Variants in DOCK3 observed in about 807,000 individuals in gnomAD.
DOCK3 encodes dedicator of cytokinesis 3, also known as dedicator of cytokinesis protein 3.
A neutral mutation model predicts 265.6 loss-of-function variants in DOCK3; 60 were observed. That is an observed-to-expected ratio of 0.23 (90% confidence interval 0.18 to 0.28). The LOEUF (loss-of-function observed/expected upper bound fraction) is 0.28. Ranked by LOEUF, DOCK3 falls within the 10% of genes least tolerant of loss-of-function variation. The pLI is 1.00. For synonymous variants in DOCK3, 881 were observed against 938.0 expected (o/e 0.94, Z 1.11); for missense variants, 1,981 against 2,594.3 (o/e 0.76, Z 5.14).
chr3:51,076,709 C>T lies in DOCK3; in HGVS notation c.549+1269C>T, dbSNP rs139022653. The stretch of plus-strand genomic sequence containing the variant: ...AGACCACAGTCAAACAGTTGCCATA[C>T]GTGTGCTGCATATATGTGCTGTGTA... On this transcript the variant is annotated intron_variant, in intron 7 of 52. Transcript: ENST00000266037. 3.5e-3 allele frequency among the ~76,000 whole-genome samples: 538 copies of T among 152,208 alleles called. 2 individuals carry two copies. Among genetic ancestry groups the T allele is most frequent in the Non-Finnish European group, 5.7e-3 (389 of 68,020 alleles).
At chr3:51,336,564 C>T (rs935643429) in intron 35 of DOCK3, among the ~76,000 whole-genome samples, 22 of 152,160 alleles carry the variant, frequency 1.4e-4, no homozygotes, top group Non-Finnish European at 3.2e-4. Context: ...CTGGAGTCTT[C>T]CCTGCTCACC....
At chr3:51,219,900 C>G (rs1157953789) in intron 14 of DOCK3, among the ~76,000 whole-genome samples, 3 of 152,172 alleles carry the variant, frequency 2.0e-5, no homozygotes. Flanking sequence ...ACATCCCTGA[C>G]TCAAGAAAGG....
chr3:50,986,719 G>A (rs908805009), intron 5 of DOCK3, among the ~76,000 whole-genome samples: 2 of 151,970 alleles, frequency 1.3e-5, no homozygotes, highest in African/African-American at 4.8e-5. Flanking sequence ...ATTCTATATT[G>A]TATAAATATT....
At chr3:50,793,625 TG>T (rs2108621299) in intron 2 of DOCK3, among the ~76,000 whole-genome samples, 1 of 152,342 alleles carries the variant, frequency 6.6e-6, no homozygotes, top group African/African-American at 2.4e-5. Context: ...CCCAAAGTGC[TG>T]GGATTACAGG....
chr3:50,786,643 T>G, intron 2 of DOCK3: 1 of 596,796 alleles, frequency 1.7e-6, no homozygotes, highest in Non-Finnish European at 3.2e-6. Flanking sequence ...TTTAAAGTTG[T>G]CCTTACTCTG....
At chr3:51,284,940 C>T (rs1187856968) in intron 27 of DOCK3, among the ~76,000 whole-genome samples, 1 of 152,198 alleles carries the variant, frequency 6.6e-6, no homozygotes, top group African/African-American at 2.4e-5. Context: ...AGATCCTCTT[C>T]CCCAGCTTAA....
intron 2 of DOCK3, among the ~76,000 whole-genome samples, chr3:50,818,084 C>A (rs1327623938): frequency 6.6e-6 from 1 of 152,328 alleles, no homozygotes; most frequent in South Asian, 2.1e-4. Context: ...TGAGCAAAAC[C>A]TAGGTTCCTG....
intron 9 of DOCK3, among the ~76,000 whole-genome samples, chr3:51,109,500 G>A (rs1342292056): frequency 2.0e-5 from 3 of 151,960 alleles, no homozygotes; most frequent in African/African-American, 7.3e-5. Flanking sequence ...GCTAGCAGAA[G>A]ATAACCAATA....
intron 1 of DOCK3, among the ~76,000 whole-genome samples, chr3:50,746,054 C>T (rs1226425698): frequency 6.6e-6 from 1 of 151,084 alleles, no homozygotes; most frequent in Non-Finnish European, 1.5e-5. Context: ...CTTATGTTTT[C>T]ATTCTTTTTA....
intron 5 of DOCK3, among the ~76,000 whole-genome samples, chr3:51,029,411 G>A (rs2079951947): frequency 6.6e-6 from 1 of 152,200 alleles, no homozygotes; most frequent in African/African-American, 2.4e-5. Flanking sequence ...GGCTTTCAGT[G>A]GGGGTGGGGC....
rs557728509 is a variant in DOCK3 at position 51,249,089 on chromosome 3, C to T, written c.2184+2282C>T. Among the ~76,000 whole-genome samples, 18 of 151,082 alleles carry T rather than the reference C, an allele frequency of 1.2e-4. No individual in the cohort carries two copies. The South Asian group carries it at 1.5e-3, about 12-fold the overall frequency. On this transcript the variant is annotated intron_variant, in intron 22 of 52. Coordinates refer to ENST00000266037, the MANE Select transcript of DOCK3 (RefSeq NM_004947.5). ...GTCTCCGCCCGGCAGCCACCCCGTC[C>T]GGGAGGGAGGTGGGGGGGGTCAGCC...
At chr3:51,355,196 CAA>C (rs2086280140) in intron 41 of DOCK3, among the ~76,000 whole-genome samples, 173 bp downstream of exon 41, 1 of 152,206 alleles carries the variant, frequency 6.6e-6, no homozygotes, top group African/African-American at 2.4e-5. Context: ...ACTAATACCT[CAA>C]AGAGGAAGCA....
intron 27 of DOCK3, among the ~76,000 whole-genome samples, chr3:51,295,349 A>G (rs2082022630): frequency 6.6e-6 from 1 of 152,216 alleles, no homozygotes; most frequent in African/African-American, 2.4e-5. Context: ...CTGTTTAACA[A>G]CCAGCTGTCA....
At chr3:51,065,917 G>C (rs972180802) in intron 6 of DOCK3, among the ~76,000 whole-genome samples, 7 of 152,132 alleles carry the variant, frequency 4.6e-5, no homozygotes, top group African/African-American at 1.7e-4. Context: ...TGTACACAAA[G>C]AAAGTAACCT....
At chr3:50,924,560 T>C (rs1394204515) in intron 4 of DOCK3, among the ~76,000 whole-genome samples, 2 of 152,178 alleles carry the variant, frequency 1.3e-5, no homozygotes, top group Non-Finnish European at 2.9e-5. Flanking sequence ...TTTCCAGAAA[T>C]GAAGCAGCCA....
In DOCK3 at chr3:51,357,838, G is replaced by T; in HGVS notation, c.4764G>T (p.Glu1588Asp). The change falls in exon 45 of 53, where the codon GAG (glutamate) becomes GAT (aspartate). Residue 1588 changes from glutamate (E) to aspartate (D), a missense_variant. Coordinates refer to ENST00000266037, the MANE Select transcript of DOCK3 (RefSeq NM_004947.5). ...CCCAGCTCAAGGAGCTTATGCAGGA[G>T]CAGGTATGTCTTGGAGGGCTTGGGA... Reference protein sequence around the residue: ...KITQLKELMQEQVHVLGVGLA... With the variant: ...KITQLKELMQDQVHVLGVGLA... 6.2e-7 allele frequency: 1 copy of T among 1,614,024 alleles called. No individual in the cohort carries two copies. Among genetic ancestry groups the T allele is most frequent in the South Asian group, 1.1e-5 (1 of 91,084 alleles).
intron 14 of DOCK3, among the ~76,000 whole-genome samples, chr3:51,221,743 C>T (rs1394579929): frequency 2.6e-5 from 4 of 152,198 alleles, no homozygotes; most frequent in African/African-American, 7.2e-5. Flanking sequence ...CTGTAAGATG[C>T]CCTGCCAACC....
intron 2 of DOCK3, chr3:50,788,335 T>C (rs915419782): frequency 7.3e-5 from 20 of 273,844 alleles, no homozygotes; most frequent in African/African-American, 4.4e-4. Flanking sequence ...AGAAAATAGC[T>C]TTAAAACAAG....
chr3:51,327,724 G>A (rs188296708), intron 32 of DOCK3, among the ~76,000 whole-genome samples: 67 of 140,302 alleles, frequency 4.8e-4, no homozygotes, highest in African/African-American at 1.8e-3. Flanking sequence ...CTGTTGCCCA[G>A]GCTGGAATGC....
Sources: gnomAD v4.1 joint callset for allele counts (sites outside exome capture counted in the v4.1 genomes callset) on GRCh38, gnomAD v4.1.1 for gene constraint, MANE v1.5 for transcripts, NCBI Gene and HGNC (gene_info 2026-07-23, HGNC 2026-07-21) for gene names.